Variants in CNTNAP2 observed in about 807,000 individuals in gnomAD.
CNTNAP2 encodes the protein contactin-associated protein-like 2.
Under a neutral mutation model 155.2 loss-of-function variants are expected in CNTNAP2, and 98 were observed. That is an observed-to-expected ratio of 0.63 (90% CI 0.54 to 0.75). The LOEUF is 0.75. CNTNAP2 is among the 30% of genes least tolerant of loss of function. The pLI is 0.00. For synonymous variants in CNTNAP2, 651 were observed against 631.2 expected (o/e 1.03, Z -0.47); for missense variants, 1,727 against 1,688.1 (o/e 1.02, Z -0.40).
chr7:148,102,588 T>C (rs915173508), intron 15 of CNTNAP2, among the ~76,000 whole-genome samples: 2 of 152,236 alleles, frequency 1.3e-5, no homozygotes, highest in African/African-American at 2.4e-5. Context: ...CATGCCATAC[T>C]AAATGTTATT....
At chr7:147,572,156 C>T (rs1800307138) in intron 12 of CNTNAP2, among the ~76,000 whole-genome samples, 1 of 151,762 alleles carries the variant, frequency 6.6e-6, no homozygotes, top group Non-Finnish European at 1.5e-5. Context: ...ACGGATTACC[C>T]ACTCCCAAAG....
chr7:146,134,971 G>T (rs1231882615), intron 1 of CNTNAP2, among the ~76,000 whole-genome samples: 1 of 151,748 alleles, frequency 6.6e-6, no homozygotes. Context: ...GATTGGAATA[G>T]TTTCAGAAGG....
intron 8 of CNTNAP2, among the ~76,000 whole-genome samples, chr7:147,230,759 C>A (rs1803661913): frequency 6.6e-6 from 1 of 152,164 alleles, no homozygotes; most frequent in South Asian, 2.1e-4. Flanking sequence ...CACACCCTAT[C>A]CCCTGACAAC....
chr7:146,515,701 C>A (rs1035911008), intron 1 of CNTNAP2, among the ~76,000 whole-genome samples: 2 of 151,914 alleles, frequency 1.3e-5, no homozygotes, highest in Non-Finnish European at 2.9e-5. Flanking sequence ...TAACTAAATA[C>A]CTTGACCCCA....
At position 146,582,185 on chromosome 7, in the gene CNTNAP2, G is replaced by A. The variant is rs528948585; in HGVS notation, c.98-192086G>A. 2.8e-4 allele frequency among the ~76,000 whole-genome samples: 42 copies of A among 152,180 alleles called. 1 individual carries two copies. In the South Asian group the frequency reaches 7.7e-3, roughly 28 times the overall value. Reference sequence around the variant, plus strand: ...TCTGGAGTGGGTGACTTCAAGAAAAGGTTTCCCCATAGCAAAATCAAGTGT... The same window carrying A: ...TCTGGAGTGGGTGACTTCAAGAAAAAGTTTCCCCATAGCAAAATCAAGTGT... On this transcript the variant is annotated intron_variant, in intron 1 of 23. Transcript: ENST00000361727.
At chr7:146,884,536 A>G (rs1223647422) in intron 3 of CNTNAP2, among the ~76,000 whole-genome samples, 1 of 152,038 alleles carries the variant, frequency 6.6e-6, no homozygotes, top group African/African-American at 2.4e-5. Flanking sequence ...AGTATCAGCT[A>G]TGGGTTAGAT....
chr7:146,296,956 A>ACCTG (rs200883173), intron 1 of CNTNAP2, among the ~76,000 whole-genome samples: 83 of 149,012 alleles, frequency 5.6e-4, no homozygotes, highest in African/African-American at 1.7e-3. Flanking sequence ...AGCAGGTATT[A>ACCTG]TCTGTGTGTG....
At chr7:146,451,399 T>C (rs1796479079) in intron 1 of CNTNAP2, among the ~76,000 whole-genome samples, 1 of 152,138 alleles carries the variant, frequency 6.6e-6, no homozygotes, top group African/African-American at 2.4e-5. Flanking sequence ...TCTCACTCCT[T>C]CATGTGTTGT....
chr7:148,180,504 G>A (rs903818473), intron 18 of CNTNAP2, among the ~76,000 whole-genome samples: 1 of 151,924 alleles, frequency 6.6e-6, no homozygotes, highest in African/African-American at 2.4e-5. Flanking sequence ...GGCCAAGGGA[G>A]CTGAGAGGCC....
At chr7:147,907,549 G>A (rs1304048973) in intron 14 of CNTNAP2, among the ~76,000 whole-genome samples, 1 of 152,064 alleles carries the variant, frequency 6.6e-6, no homozygotes, top group African/African-American at 2.4e-5. Flanking sequence ...AGCTCTCAGG[G>A]GCAGTGAAGA....
At chr7:146,801,246 C>T (rs1368394562) in intron 2 of CNTNAP2, among the ~76,000 whole-genome samples, 1 of 152,074 alleles carries the variant, frequency 6.6e-6, no homozygotes, top group African/African-American at 2.4e-5. Flanking sequence ...AGAGTGAGAA[C>T]TCACTCAGTA....
At chr7:147,985,757 A>G (rs935219892) in intron 15 of CNTNAP2, among the ~76,000 whole-genome samples, 1 of 152,172 alleles carries the variant, frequency 6.6e-6, no homozygotes, top group Non-Finnish European at 1.5e-5. Flanking sequence ...CCTAGAAAGG[A>G]TTCAACAAAT....
At chr7:146,643,636 G>T (rs76101362) in intron 1 of CNTNAP2, among the ~76,000 whole-genome samples, 27,377 of 152,000 alleles carry the variant, frequency 0.18, 2,929 homozygotes, top group East Asian at 0.48. Context: ...TTGACTTGGC[G>T]ATGCAGGCTC....
intron 15 of CNTNAP2, among the ~76,000 whole-genome samples, chr7:148,103,237 G>A (rs534757351): frequency 6.7e-5 from 10 of 148,284 alleles, no homozygotes; most frequent in South Asian, 4.3e-4. Flanking sequence ...AGTAGCTATC[G>A]TTTTTAGGAA....
intron 9 of CNTNAP2, among the ~76,000 whole-genome samples, chr7:147,304,212 A>C (rs557164080): frequency 6.7e-6 from 1 of 149,196 alleles, no homozygotes; most frequent in African/African-American, 2.5e-5. Flanking sequence ...AATTCTTTTA[A>C]TTTTTTTTTT....
intron 15 of CNTNAP2, among the ~76,000 whole-genome samples, chr7:148,108,677 T>A (rs1804277833): frequency 6.6e-6 from 1 of 152,028 alleles, no homozygotes; most frequent in Non-Finnish European, 1.5e-5. Context: ...AGGAAGATGG[T>A]GGGTACAGAG....
At chr7:146,281,982 A>G (rs759960264) in intron 1 of CNTNAP2, among the ~76,000 whole-genome samples, 10 of 152,292 alleles carry the variant, frequency 6.6e-5, no homozygotes, top group Non-Finnish European at 1.5e-4. Flanking sequence ...ATATGCCTAT[A>G]TGCTTTGTTC....
At chr7:146,352,987 C>T (rs1357919026) in intron 1 of CNTNAP2, among the ~76,000 whole-genome samples, 1 of 151,928 alleles carries the variant, frequency 6.6e-6, no homozygotes, top group Non-Finnish European at 1.5e-5. Context: ...ATCTCCTGAC[C>T]TCGTGATCTG....
chr7:146,649,295 C>T (rs369787644), intron 1 of CNTNAP2, among the ~76,000 whole-genome samples: 21 of 152,076 alleles, frequency 1.4e-4, no homozygotes, highest in African/African-American at 5.1e-4. Flanking sequence ...TTTTATTGAT[C>T]AACAGCAATC....
Sources: allele counts gnomAD v4.1 joint callset (sites outside exome capture counted in the v4.1 genomes callset), GRCh38; gene constraint gnomAD v4.1.1; transcripts MANE v1.5; gene names NCBI Gene and HGNC (gene_info 2026-07-23, HGNC 2026-07-21).